The following TOP1 variants were observed in gnomAD, a reference collection of about 807,000 sequenced individuals.
The protein encoded by TOP1 is DNA topoisomerase I.
Under a neutral mutation model 111.1 loss-of-function variants are expected in TOP1, and 10 were observed. The ratio of observed to expected loss-of-function variants is 0.09; its 90% CI spans 0.06 to 0.15. The LOEUF (loss-of-function observed/expected upper bound fraction) is 0.15, where lower values mean the gene tolerates loss of function less well. TOP1 is among the 10% of genes least tolerant of loss of function. The pLI, the probability that TOP1 is intolerant of heterozygous loss-of-function variation, is 1.00. For missense variants in TOP1, 474 were observed against 926.7 expected (o/e 0.51, Z 6.34); for synonymous variants, 271 against 302.9 (o/e 0.89, Z 1.10).
At position 41,084,849 on chromosome 20, in the gene TOP1, A is replaced by G. The variant is rs142528289; in HGVS notation, c.614+281A>G. Reference sequence around the variant, plus strand: ...GGAATTTAGCATACGAAGAGAGTACAGATGCATTTAAAACCATACGGAAAG... The same window carrying G: ...GGAATTTAGCATACGAAGAGAGTACGGATGCATTTAAAACCATACGGAAAG... On this transcript the variant is annotated intron_variant, in intron 8 of 20. Transcript: ENST00000361337. Among the ~76,000 whole-genome samples the G allele has an allele frequency of 7.1e-3, 1,075 of 152,344 alleles. 13 individuals carry two copies. The highest frequency in any genetic ancestry group is 0.026 in the East Asian group (134 of 5,196).
In TOP1 at chr20:41,061,851, CTTCT is replaced by C. The variant is rs1462235773; in HGVS notation, c.155+366_155+369del. ...CTGGATTGGAGACCTGATTTTTTTT[CTTCT>C]TTCTATATTTTAAAGAGTTTACATT... On this transcript the variant is annotated intron_variant, in intron 3 of 20. Transcript: ENST00000361337. This position sits in a 1 kb window ranked among gnomAD's most constrained non-coding sequence, Gnocchi z 4.6. Among the ~76,000 whole-genome samples the C allele has an allele frequency of 6.6e-6, 1 of 151,910 alleles. No homozygotes were observed. The highest frequency in any genetic ancestry group is 1.5e-5 in the Non-Finnish European group (1 of 67,950).
At position 41,071,384 on chromosome 20, in the gene TOP1, C is replaced by T. The variant is rs1303100701; in HGVS notation, c.156-4787C>T. On this transcript the variant is annotated intron_variant, in intron 3 of 20. Coordinates refer to ENST00000361337, the MANE Select transcript of TOP1 (RefSeq NM_003286.4). This position sits in a 1 kb window ranked among gnomAD's most constrained non-coding sequence, Gnocchi z 4.3. Reference sequence around the variant, plus strand: ...TTTTTGAGATGGAGCCTCAGTCTATCGCCAGGCTGGAGTGCAGTGGCGTGA... The same window carrying T: ...TTTTTGAGATGGAGCCTCAGTCTATTGCCAGGCTGGAGTGCAGTGGCGTGA... 1.3e-5 allele frequency among the ~76,000 whole-genome samples: 2 copies of T among 150,896 alleles called. No homozygotes were observed. Among genetic ancestry groups the T allele is most frequent in the East Asian group, 1.9e-4 (1 of 5,142 alleles).
chr20:41,077,612 AAGG>A lies in TOP1; in HGVS notation c.313_315del (p.Glu105del). The stretch of plus-strand genomic sequence containing the variant: ...AGCCTCTGGGGATGCAAAAATAAAG[AAGG>A]AGAAGGAAAATGGCTTCTCTAGGTA... On this transcript the variant is annotated inframe_deletion, in exon 5 of 21. Transcript: ENST00000361337. 1.9e-6 allele frequency: 3 copies of A among 1,614,136 alleles called. No homozygotes were observed. The highest frequency in any genetic ancestry group is 1.7e-6 in the Non-Finnish European group (2 of 1,179,974).
At chr20:41,035,992 A>G (rs942945643) in intron 2 of TOP1, among the ~76,000 whole-genome samples, 1 of 152,218 alleles carries the variant, frequency 6.6e-6, no homozygotes, top group Non-Finnish European at 1.5e-5. Context: ...AAGCAGCAGA[A>G]GTGGGATGAA....
At chr20:41,059,380 A>G (rs1421940873) in intron 2 of TOP1, among the ~76,000 whole-genome samples, 4 of 151,160 alleles carry the variant, frequency 2.6e-5, no homozygotes, top group African/African-American at 9.7e-5. Flanking sequence ...AAAAATGAAC[A>G]CTGGCCCTTA....
chr20:41,116,232 C>A lies in TOP1; in HGVS notation c.1708-46C>A. The A allele has an allele frequency of 7.8e-7, 1 of 1,278,666 alleles. No individual in the cohort carries two copies. Among genetic ancestry groups the A allele is most frequent in the Non-Finnish European group, 1.1e-6 (1 of 879,046 alleles). The allele number at this position is 1,278,666 out of a possible 1,614,324, so 79.2% of individuals were successfully genotyped here. A position where few individuals can be genotyped will look rare whatever the true frequency, so the allele number is the denominator to read the frequency against. ...TTACTCCTAGGGCTGCCAGAAGGAGCAGGTAGTATAGCTTTGACCTAAATC... is the reference window on the plus strand; with the variant it reads ...TTACTCCTAGGGCTGCCAGAAGGAGAAGGTAGTATAGCTTTGACCTAAATC... On this transcript the variant is annotated intron_variant, in intron 16 of 20. Coordinates refer to ENST00000361337, the MANE Select transcript of TOP1 (RefSeq NM_003286.4). The surrounding 1 kb of genome is among the most constrained non-coding windows in gnomAD (Gnocchi z 5.6).
chr20:41,123,426 G>T lies in TOP1; in HGVS notation c.*129G>T, dbSNP rs558642566. ...AGTCTTAACAAACCAACATCTTTGC[G>T]AAAAGATAAACCTGGAGATATTATA... On this transcript the variant is annotated 3_prime_UTR_variant, in exon 21 of 21. Transcript: ENST00000361337. This position sits in a 1 kb window ranked among gnomAD's most constrained non-coding sequence, Gnocchi z 5.8. 202 of 616,986 alleles carry T rather than the reference G, an allele frequency of 3.3e-4. No homozygotes were observed. Among genetic ancestry groups the T allele is most frequent in the Non-Finnish European group, 2.9e-4 (101 of 352,574 alleles). The allele number at this position is 616,986 out of a possible 1,614,324, so 38.2% of individuals were successfully genotyped here.
In TOP1 at chr20:41,113,723, A is replaced by T. The variant is rs567678080; in HGVS notation, c.1453-247A>T. Among the ~76,000 whole-genome samples the T allele has an allele frequency of 6.5e-4, 99 of 151,490 alleles. 1 individual carries two copies. The highest frequency in any genetic ancestry group is 1.7e-3 in the Admixed American group (26 of 15,208). Reference sequence around the variant, plus strand: ...CATCTCTACTAAAAATACAAAAAAAAAAAAAAAAATAAAAATTGGCGTGGT... The same window carrying T: ...CATCTCTACTAAAAATACAAAAAAATAAAAAAAAATAAAAATTGGCGTGGT... On this transcript the variant is annotated intron_variant, in intron 14 of 20. Coordinates refer to ENST00000361337, the MANE Select transcript of TOP1 (RefSeq NM_003286.4).
intron 8 of TOP1, among the ~76,000 whole-genome samples, chr20:41,088,482 G>A (rs372804044): frequency 6.6e-6 from 1 of 152,110 alleles, no homozygotes; most frequent in East Asian, 1.9e-4. Context: ...CAGCCTGGGC[G>A]ACAGAGCGAG....
intron 8 of TOP1, among the ~76,000 whole-genome samples, chr20:41,091,996 T>G (rs1375953633): frequency 6.6e-6 from 1 of 152,220 alleles, no homozygotes; most frequent in African/African-American, 2.4e-5. Context: ...AAACTCAACA[T>G]GCCCCAGTTA....
intron 17 of TOP1, among the ~76,000 whole-genome samples, chr20:41,117,812 T>G (rs543529818): frequency 9.9e-5 from 15 of 152,142 alleles, no homozygotes; most frequent in East Asian, 1.9e-4. Context: ...CATAGTAATA[T>G]CAGCAGCACC....
In TOP1 at chr20:41,040,415, G is replaced by A. The variant is rs146199749; in HGVS notation, c.58+10960G>A. On this transcript the variant is annotated intron_variant, in intron 2 of 20. Transcript: ENST00000361337. ...GAAATGAAGAAACAGTAGCTTCTTA[G>A]GAATTGATTGTGGCTCAGGATCTAT... 3.9e-5 allele frequency among the ~76,000 whole-genome samples: 6 copies of A among 152,308 alleles called. No individual in the cohort carries two copies. In the East Asian group the frequency reaches 7.7e-4, roughly 20 times the overall value.
chr20:41,040,857 T>C (rs2033255404), intron 2 of TOP1, among the ~76,000 whole-genome samples: 2 of 151,942 alleles, frequency 1.3e-5, no homozygotes, highest in Non-Finnish European at 1.5e-5. Context: ...GTAGTATTTC[T>C]TATACCCTGG....
chr20:41,066,717 G>A lies in TOP1; in HGVS notation c.155+5227G>A, dbSNP rs538014696. 4.0e-5 allele frequency among the ~76,000 whole-genome samples: 6 copies of A among 151,710 alleles called. No individual in the cohort carries two copies. The East Asian group carries it at 5.8e-4, about 15-fold the overall frequency. On this transcript the variant is annotated intron_variant, in intron 3 of 20. Coordinates refer to ENST00000361337, the MANE Select transcript of TOP1 (RefSeq NM_003286.4). The stretch of plus-strand genomic sequence containing the variant: ...CTACAGGTGCCCGCCACCATGCCCC[G>A]CTAATTTTTTATATTTTTAGTAGAG...
At chr20:41,062,150 A>G (rs1398468727) in intron 3 of TOP1, among the ~76,000 whole-genome samples, 3 of 152,172 alleles carry the variant, frequency 2.0e-5, no homozygotes, top group Non-Finnish European at 4.4e-5. Flanking sequence ...AGTTATTGAA[A>G]ATGAGGACTT....
In TOP1 at chr20:41,029,662, G is replaced by T; in HGVS notation, c.58+207G>T. On this transcript the variant is annotated intron_variant, in intron 2 of 20. Transcript: ENST00000361337. The surrounding 1 kb of genome is among the most constrained non-coding windows in gnomAD (Gnocchi z 6.1). ...CCTCCAGATCCCGGCCCTCCCAAGAGGGGACAACGGAGACCCCGTGTCGTC... is the reference window on the plus strand; with the variant it reads ...CCTCCAGATCCCGGCCCTCCCAAGATGGGACAACGGAGACCCCGTGTCGTC... 1 of 655,062 alleles carries T rather than the reference G, an allele frequency of 1.5e-6. No homozygotes were observed. Among genetic ancestry groups the T allele is most frequent in the Non-Finnish European group, 2.8e-6 (1 of 359,806 alleles). The allele number at this position is 655,062 out of a possible 1,614,324, so 40.6% of individuals were successfully genotyped here. A position where few individuals can be genotyped will look rare whatever the true frequency, so the allele number is the denominator to read the frequency against.
intron 13 of TOP1, among the ~76,000 whole-genome samples, chr20:41,104,121 G>C (rs1456115624): frequency 6.6e-6 from 1 of 152,150 alleles, no homozygotes; most frequent in African/African-American, 2.4e-5. Context: ...TGTCACAGGA[G>C]AGCATGAGGA....
intron 8 of TOP1, among the ~76,000 whole-genome samples, chr20:41,088,549 G>A (rs2033875660): frequency 6.6e-6 from 1 of 152,082 alleles, no homozygotes; most frequent in African/African-American, 2.4e-5. Flanking sequence ...TGAGAAGAAT[G>A]GTGCCAAAGT....
chr20:41,043,222 A>C (rs1284657827), intron 2 of TOP1, among the ~76,000 whole-genome samples: 1 of 152,236 alleles, frequency 6.6e-6, no homozygotes, highest in African/African-American at 2.4e-5. Flanking sequence ...AGTGTCTACC[A>C]GGTGATCAGA....
Sources: allele counts gnomAD v4.1 joint callset (sites outside exome capture counted in the v4.1 genomes callset), GRCh38; gene constraint gnomAD v4.1.1; non-coding constraint Gnocchi (gnomAD v3.1); transcripts MANE v1.5; gene names NCBI Gene and HGNC (gene_info 2026-07-23, HGNC 2026-07-21).